SGCZ: variants seen among roughly 807,000 people sequenced by gnomAD.
The protein encoded by SGCZ is zeta-sarcoglycan.
In SGCZ, 40 loss-of-function variants were observed where a neutral mutation model predicts 41.3. The observed-to-expected ratio is 0.97, with a 90% CI of 0.75 to 1.26. The LOEUF (loss-of-function observed/expected upper bound fraction) is 1.26. Among genes scored for constraint, SGCZ ranks in the 50% most tolerant of loss-of-function variants. SGCZ has a pLI of 0.00. For synonymous variants in SGCZ, 206 were observed against 137.5 expected (o/e 1.50, Z -3.49); for missense variants, 552 against 369.8 (o/e 1.49, Z -4.04).
At chr8:14,458,535 A>G (rs1049446616) in intron 2 of SGCZ, among the ~76,000 whole-genome samples, 2 of 152,194 alleles carry the variant, frequency 1.3e-5, no homozygotes, top group African/African-American at 4.8e-5. Flanking sequence ...AAGTCAAAAG[A>G]AACACCATGT....
At chr8:15,209,198 G>C (rs1423235774) in intron 1 of SGCZ, among the ~76,000 whole-genome samples, 1 of 152,016 alleles carries the variant, frequency 6.6e-6, no homozygotes, top group Non-Finnish European at 1.5e-5. Context: ...GTATGAATTT[G>C]TGTTGCATTG....
chr8:15,112,160 C>A lies in SGCZ; in HGVS notation c.39+125425G>T, dbSNP rs189268663. On this transcript the variant is annotated intron_variant, in intron 1 of 7. Coordinates refer to ENST00000382080, the MANE Select transcript of SGCZ (RefSeq NM_139167.4). ...TTGCAATATTAGTTATATAAGAAGGCCTTGACTCTTTCACCGCGAGAACAT... is the reference window on the plus strand; with the variant it reads ...TTGCAATATTAGTTATATAAGAAGGACTTGACTCTTTCACCGCGAGAACAT... Among the ~76,000 whole-genome samples, 36 of 152,220 alleles carry A rather than the reference C, an allele frequency of 2.4e-4. 1 individual carries two copies. Among genetic ancestry groups the A allele is most frequent in the Admixed American group, 2.1e-3 (32 of 15,286 alleles).
In SGCZ at chr8:15,017,621, G is replaced by A. The variant is rs189206998; in HGVS notation, c.39+219964C>T. 3.4e-3 allele frequency among the ~76,000 whole-genome samples: 518 copies of A among 151,972 alleles called. 3 individuals carry two copies. The highest frequency in any genetic ancestry group is 0.012 in the African/African-American group (482 of 41,460). ...GGCTCAAGTGATCGTTCCTCCCACC[G>A]AAGTCTCCCATGTAGCTGGGACCAC... On this transcript the variant is annotated intron_variant, in intron 1 of 7. Coordinates refer to ENST00000382080, the MANE Select transcript of SGCZ (RefSeq NM_139167.4).
At chr8:14,112,042 T>C (rs558158857) in intron 5 of SGCZ, among the ~76,000 whole-genome samples, 83 of 152,234 alleles carry the variant, frequency 5.5e-4, no homozygotes, top group Non-Finnish European at 2.9e-5. Context: ...ATGTATTTTT[T>C]ACAGAAGTCA....
At chr8:14,103,358 T>G (rs1802095158) in intron 6 of SGCZ, among the ~76,000 whole-genome samples, 1 of 152,184 alleles carries the variant, frequency 6.6e-6, no homozygotes, top group Non-Finnish European at 1.5e-5. Flanking sequence ...CATGCACTGG[T>G]CTTTTTAGAT....
chr8:14,648,830 C>T (rs1205867299), intron 1 of SGCZ, among the ~76,000 whole-genome samples: 1 of 152,032 alleles, frequency 6.6e-6, no homozygotes, highest in African/African-American at 2.4e-5. Flanking sequence ...TATATTTCTG[C>T]CTTGTAGTGA....
chr8:14,889,200 C>T (rs1470703712), intron 1 of SGCZ, among the ~76,000 whole-genome samples: 1 of 151,772 alleles, frequency 6.6e-6, no homozygotes, highest in East Asian at 1.9e-4. Flanking sequence ...ATCATCATAT[C>T]AATGTGTGGT....
intron 1 of SGCZ, among the ~76,000 whole-genome samples, chr8:14,591,270 G>A (rs573760098): frequency 8.8e-4 from 134 of 151,832 alleles, no homozygotes; most frequent in Admixed American, 2.3e-3. Context: ...TCTGGAAATT[G>A]CAAACTAAGT....
chr8:14,352,052 A>C (rs1803119314), intron 2 of SGCZ, among the ~76,000 whole-genome samples: 1 of 152,144 alleles, frequency 6.6e-6, no homozygotes, highest in Non-Finnish European at 1.5e-5. Flanking sequence ...ATAGTTGTAA[A>C]CAGTAGTATT....
chr8:14,640,177 T>A (rs1436209655), intron 1 of SGCZ, among the ~76,000 whole-genome samples: 2 of 151,698 alleles, frequency 1.3e-5, no homozygotes, highest in Non-Finnish European at 2.9e-5. Context: ...GGAAGAATAG[T>A]AAAAGCAATT....
At chr8:14,567,234 G>T (rs62498424) in intron 1 of SGCZ, among the ~76,000 whole-genome samples, 5,875 of 152,282 alleles carry the variant, frequency 0.039, 158 homozygotes, top group Middle Eastern at 0.061. Context: ...CGCACGGCTT[G>T]GGACTTGCAG....
intron 1 of SGCZ, among the ~76,000 whole-genome samples, chr8:14,668,314 T>C (rs961431693): frequency 6.6e-6 from 1 of 152,098 alleles, no homozygotes; most frequent in African/African-American, 2.4e-5. Flanking sequence ...ATCTCTGTGG[T>C]GATTATATCC....
chr8:15,219,205 C>T (rs865797960), intron 1 of SGCZ, among the ~76,000 whole-genome samples: 5 of 152,028 alleles, frequency 3.3e-5, no homozygotes, highest in Non-Finnish European at 5.9e-5. Flanking sequence ...TTTAACATTC[C>T]TTGAATTCAA....
intron 1 of SGCZ, among the ~76,000 whole-genome samples, chr8:14,659,524 T>C (rs539745074): frequency 8.7e-4 from 132 of 152,324 alleles, no homozygotes; most frequent in Non-Finnish European, 1.7e-3. Context: ...TTACATATTA[T>C]ACTATTCATA....
intron 1 of SGCZ, among the ~76,000 whole-genome samples, chr8:15,030,911 G>A (rs1288346259): frequency 6.6e-6 from 1 of 152,082 alleles, no homozygotes; most frequent in Non-Finnish European, 1.5e-5. Flanking sequence ...TTAAGTAAAG[G>A]AAATAGAACT....
chr8:14,196,871 A>C (rs1238393804), intron 4 of SGCZ, among the ~76,000 whole-genome samples: 1 of 152,154 alleles, frequency 6.6e-6, no homozygotes, highest in Non-Finnish European at 1.5e-5. Flanking sequence ...TTCAATATCA[A>C]ATAAATTCTA....
intron 1 of SGCZ, among the ~76,000 whole-genome samples, chr8:14,819,564 T>C (rs1802011634): frequency 1.3e-5 from 2 of 152,060 alleles, no homozygotes; most frequent in South Asian, 2.1e-4. Flanking sequence ...CAAAGATAAA[T>C]GTATAATTCA....
At chr8:15,054,484 G>GC (rs112317561) in intron 1 of SGCZ, among the ~76,000 whole-genome samples, 31,680 of 151,956 alleles carry the variant, frequency 0.21, 3,545 homozygotes, top group East Asian at 0.36. Flanking sequence ...AGAAACAATA[G>GC]TTTCTACTCC....
At chr8:14,975,335 C>T (rs183095820) in intron 1 of SGCZ, among the ~76,000 whole-genome samples, 1 of 151,934 alleles carries the variant, frequency 6.6e-6, no homozygotes, top group Admixed American at 6.6e-5. Context: ...AAAAAGAATT[C>T]CAGCCTCATC....
Sources: allele counts gnomAD v4.1 joint callset (sites outside exome capture counted in the v4.1 genomes callset), GRCh38; gene constraint gnomAD v4.1.1; transcripts MANE v1.5; gene names NCBI Gene and HGNC (gene_info 2026-07-23, HGNC 2026-07-21).